Variants in WDR48 observed in about 807,000 individuals in gnomAD.
WDR48 encodes WD repeat domain 48.
A neutral mutation model predicts 94.0 loss-of-function variants in WDR48; 22 were observed. The ratio of observed to expected loss-of-function variants is 0.23; its 90% confidence interval spans 0.17 to 0.33. The LOEUF (loss-of-function observed/expected upper bound fraction) is 0.33, where lower values mean the gene tolerates loss of function less well. WDR48 is among the 10% of genes least tolerant of loss of function. WDR48 has a pLI of 1.00. For synonymous variants in WDR48, 278 were observed against 280.5 expected (o/e 0.99, Z 0.09); for missense variants, 541 against 813.8 (o/e 0.66, Z 4.08).
chr3:39,066,103 C>T (rs1362297561), intron 3 of WDR48, among the ~76,000 whole-genome samples: 1 of 152,180 alleles, frequency 6.6e-6, no homozygotes, highest in Non-Finnish European at 1.5e-5. Context: ...CCCTCTTGCC[C>T]CAAGGTAACT....
chr3:39,070,601 C>G (rs150332801), intron 7 of WDR48, among the ~76,000 whole-genome samples: 181 of 151,194 alleles, frequency 1.2e-3, no homozygotes, highest in African/African-American at 4.1e-3. Context: ...GGTTTGGAAA[C>G]TAGTCTAAGG....
rs1273869294 is a variant in WDR48 at position 39,085,563 on chromosome 3, G to C, written c.1427G>C (p.Arg476Thr). 3.1e-6 allele frequency: 5 copies of C among 1,612,332 alleles called. No individual in the cohort carries two copies. Among genetic ancestry groups the C allele is most frequent in the Non-Finnish European group, 4.2e-6 (5 of 1,179,578 alleles). ...LLQALLEYWP[R>T]THVNPMDEEE... ...CAAGCACTCCTGGAATATTGGCCTA[G>C]AACACATGTGAATCCAATGGATGAA... Residue 476 changes from arginine (R) to threonine (T), a missense_variant, in exon 14 of 19, where the codon AGA becomes ACA. Around this residue, in one of 5 missense-constraint regions of WDR48, gnomAD observed 238 missense variants for 285.3 expected, o/e 0.83. Coordinates refer to ENST00000302313, the MANE Select transcript of WDR48 (RefSeq NM_020839.4).
intron 8 of WDR48, 41 bp downstream of exon 8, chr3:39,074,991 G>A (rs1415177447): frequency 6.3e-7 from 1 of 1,583,804 alleles, no homozygotes; most frequent in Non-Finnish European, 8.6e-7. Flanking sequence ...AATTAAGGTT[G>A]TTACATGTGT....
chr3:39,069,601 C>T (rs375220804), intron 6 of WDR48, 42 bp from the exon 7 acceptor site: 73 of 1,475,994 alleles, frequency 4.9e-5, no homozygotes, highest in Non-Finnish European at 6.7e-5. Flanking sequence ...AAATTTGATA[C>T]TGATATATTT....
Position 39,094,061 on chromosome 3 carries a change from G to A in WDR48, c.1933G>A (p.Asp645Asn), listed in dbSNP as rs767278917. ...GGAGAAAATTGAACTTTTGTGCCAG[G>A]ACCAGGTAAGTGGACTTGAGGACTA... Reference protein sequence around the residue: ...AEEKIELLCQDQVLDPNMDLR... With the variant: ...AEEKIELLCQNQVLDPNMDLR... The change falls in exon 18 of 19, where the codon GAC (aspartate) becomes AAC (asparagine). Residue 645 changes from aspartate to asparagine, a missense_variant. Asp to Asn is a conservative substitution (Grantham distance 23). This residue lies in a region of WDR48 where 109 missense variants were observed against 195.5 expected (regional missense o/e 0.56). Transcript: ENST00000302313. 1.9e-6 allele frequency: 3 copies of A among 1,610,792 alleles called. No individual in the cohort carries two copies. The highest frequency in any genetic ancestry group is 2.2e-5 in the East Asian group (1 of 44,860).
intron 2 of WDR48, among the ~76,000 whole-genome samples, chr3:39,064,949 A>G (rs2033513142): frequency 6.6e-6 from 1 of 152,222 alleles, no homozygotes; most frequent in Non-Finnish European, 1.5e-5. Context: ...ACAAATTAAG[A>G]AAAACACCCA....
At position 39,078,033 on chromosome 3, in the gene WDR48, G is replaced by T. The variant is rs2034317263; in HGVS notation, c.973-104G>T. 5.0e-6 allele frequency: 4 copies of T among 805,248 alleles called. No homozygotes were observed. The South Asian group carries it at 5.2e-5, about 10-fold the overall frequency. The allele number at this position is 805,248 out of a possible 1,614,324, so 49.9% of individuals were successfully genotyped here. A position where few individuals can be genotyped will look rare whatever the true frequency, so the allele number is the denominator to read the frequency against. On this transcript the variant is annotated intron_variant, in intron 9 of 18. Transcript: ENST00000302313. ...TTTCGGTTGATGTAGTGGTTGTTGA[G>T]GTTTTCTTGTTTGTTTTTTGACTTT...
chr3:39,068,088 C>CT (rs938251414), intron 5 of WDR48, among the ~76,000 whole-genome samples: 1 of 151,752 alleles, frequency 6.6e-6, no homozygotes, highest in South Asian at 2.1e-4. Flanking sequence ...GGATATCACA[C>CT]TTTTTTTTAA....
chr3:39,061,735 A>G (rs1022488202), intron 1 of WDR48, among the ~76,000 whole-genome samples: 2 of 151,978 alleles, frequency 1.3e-5, no homozygotes, highest in Admixed American at 1.3e-4. Context: ...AAGCATTCCT[A>G]TTTCTCCACA....
rs745933813 is a variant in WDR48 at position 39,094,117 on chromosome 3, TAAAG to T, written c.1938+53_1938+56del. ...CCAATTTTTCCAGTGCTGGTGCTCA[TAAAG>T]AGTTACATGCCTTTGGGTGGGGGGC... On this transcript the variant is annotated intron_variant, in intron 18 of 18. Transcript: ENST00000302313. The T allele has an allele frequency of 7.0e-6, 11 of 1,569,680 alleles. No homozygotes were observed. In the East Asian group the frequency reaches 1.6e-4, roughly 22 times the overall value.
Position 39,077,205 on chromosome 3 carries a change from A to C in WDR48, c.964A>C (p.Asn322His), listed in dbSNP as rs767036224. Residue 322 changes from asparagine (N) to histidine (H), a missense_variant, in exon 9 of 19, where the codon AAT (asparagine) becomes CAT (histidine). By Grantham distance (68) the Asn-to-His change is moderately conservative. This residue lies in a region of WDR48 where 238 missense variants were observed against 285.3 expected (regional missense o/e 0.83). Coordinates refer to ENST00000302313, the MANE Select transcript of WDR48 (RefSeq NM_020839.4). ...GGTTGCAACAACTAAGTCTACAGTA[A>C]ATAAATGGGTAAGTGAGCTATTAAC... ...IWVATTKSTV[N>H]KWTLKGIHNF... 3.0e-5 allele frequency: 48 copies of C among 1,614,044 alleles called. No individual in the cohort carries two copies. Among genetic ancestry groups the C allele is most frequent in the Admixed American group, 6.7e-5 (4 of 60,002 alleles).
chr3:39,080,346 A>G (rs1411341580), intron 11 of WDR48, among the ~76,000 whole-genome samples: 1 of 152,270 alleles, frequency 6.6e-6, no homozygotes, highest in African/African-American at 2.4e-5. Context: ...ATTTATAGAC[A>G]TCACTATGAG....
At chr3:39,091,405 C>T (rs1412056790) in intron 16 of WDR48, 3 of 377,906 alleles carry the variant, frequency 7.9e-6, no homozygotes, top group African/African-American at 4.3e-5. Context: ...TAAGAAGAGC[C>T]ATGCTACAAT....
Position 39,069,762 on chromosome 3 carries a change from G to A in WDR48, c.672+18G>A. The A allele has an allele frequency of 6.3e-7, 1 of 1,599,546 alleles. No homozygotes were observed. The highest frequency in any genetic ancestry group is 8.5e-7 in the Non-Finnish European group (1 of 1,170,282). On this transcript the variant is annotated intron_variant, in intron 7 of 18. Transcript: ENST00000302313. ...GCACGCAAGTATGCAGTTTCATTTG[G>A]GTGTTTACCTAATAACCTTGTTAGA...
At chr3:39,093,350 T>C (rs1479560470) in intron 17 of WDR48, among the ~76,000 whole-genome samples, 1 of 152,178 alleles carries the variant, frequency 6.6e-6, no homozygotes, top group Non-Finnish European at 1.5e-5. Context: ...GGCTACTATG[T>C]ATGTATATGT....
chr3:39,094,821 A>G lies in WDR48; in HGVS notation c.*78A>G. The stretch of plus-strand genomic sequence containing the variant: ...AAGAGTAGTCCTAGGAAGCCCACTG[A>G]TCCCCAACGGGAGCAAGACTTCTAA... On this transcript the variant is annotated 3_prime_UTR_variant, in exon 19 of 19. Transcript: ENST00000302313. 6.4e-7 allele frequency: 1 copy of G among 1,553,646 alleles called. No individual in the cohort carries two copies. The highest frequency in any genetic ancestry group is 2.3e-5 in the East Asian group (1 of 44,438).
chr3:39,058,824 C>A (rs944119056), intron 1 of WDR48, among the ~76,000 whole-genome samples: 30 of 152,244 alleles, frequency 2.0e-4, no homozygotes, highest in African/African-American at 7.2e-4. Context: ...CACCTGTAAT[C>A]CCAGCATTTT....
rs981209325 is a variant in WDR48, at chr3:39,052,184, C to T, written c.48+111C>T. ...AGCTGGGGTAGCGGCATGGGGCGAA[C>T]GGGGCGGGGCGCGGCCGGCCACGAG... is the stretch of plus-strand genomic sequence containing the variant. On this transcript the variant is annotated intron_variant, in intron 1 of 18. Coordinates refer to ENST00000302313, the MANE Select transcript of WDR48 (RefSeq NM_020839.4). 1.6e-5 allele frequency: 21 copies of T among 1,350,890 alleles called. No homozygotes were observed. The Admixed American group carries it at 3.0e-4, about 19-fold the overall frequency. The allele number at this position is 1,350,890 out of a possible 1,614,324, so 83.7% of individuals were successfully genotyped here.
intron 7 of WDR48, among the ~76,000 whole-genome samples, chr3:39,073,536 T>A (rs1225194220): frequency 6.6e-6 from 1 of 152,158 alleles, no homozygotes; most frequent in East Asian, 1.9e-4. Context: ...AACTTCATAC[T>A]CCAGCACCAG....
Sources: gnomAD v4.1 joint callset for allele counts (sites outside exome capture counted in the v4.1 genomes callset) on GRCh38, gnomAD v4.1.1 for gene constraint, gnomAD v4.1.1 regional missense constraint, MANE v1.5 for transcripts, NCBI Gene and HGNC (gene_info 2026-07-23, HGNC 2026-07-21) for gene names.